Variants in CPQ observed in about 807,000 individuals in gnomAD.
CPQ encodes the protein Ser-Met dipeptidase.
CPQ carries 37 observed loss-of-function variants against 45.7 expected under a neutral mutation model. The ratio of observed to expected loss-of-function variants is 0.81; its 90% CI spans 0.62 to 1.07. The LOEUF is 1.07. Ranked by LOEUF, CPQ falls within the 50% of genes least tolerant of loss-of-function variation. The pLI is 0.00. For synonymous variants in CPQ, 186 were observed against 205.8 expected, an observed-to-expected ratio of 0.90 and a Z score of 0.82; for missense variants, 537 against 572.9, an observed-to-expected ratio of 0.94 and a Z score of 0.64.
intron 4 of CPQ, among the ~76,000 whole-genome samples, chr8:96,915,614 C>T (rs560308234): frequency 1.3e-5 from 2 of 152,204 alleles, no homozygotes; most frequent in East Asian, 3.9e-4. Flanking sequence ...TGACTGTGTC[C>T]TCCATCACAG....
At chr8:96,834,688 AAAG>A (rs1191788488) in intron 2 of CPQ, among the ~76,000 whole-genome samples, 1 of 152,226 alleles carries the variant, frequency 6.6e-6, no homozygotes, top group Non-Finnish European at 1.5e-5. Flanking sequence ...AAGAATTAAA[AAAG>A]AAGCTATCTT....
intron 1 of CPQ, among the ~76,000 whole-genome samples, chr8:96,682,059 T>C (rs922326337): frequency 6.6e-6 from 1 of 152,200 alleles, no homozygotes; most frequent in Non-Finnish European, 1.5e-5. Flanking sequence ...GATGAAACTT[T>C]GGACTATGGA....
chr8:96,891,929 A>AT (rs1194657289), intron 4 of CPQ, among the ~76,000 whole-genome samples: 1 of 152,204 alleles, frequency 6.6e-6, no homozygotes, highest in African/African-American at 2.4e-5. Context: ...TAAAAAGAAG[A>AT]TTAACTGCAT....
intron 1 of CPQ, among the ~76,000 whole-genome samples, chr8:96,671,103 C>T (rs1808995936): frequency 6.6e-6 from 1 of 152,174 alleles, no homozygotes; most frequent in South Asian, 2.1e-4. Flanking sequence ...CTACAGTGAT[C>T]CCAACATAAA....
chr8:97,138,057 T>A (rs1445912401), intron 7 of CPQ, among the ~76,000 whole-genome samples: 1 of 152,212 alleles, frequency 6.6e-6, no homozygotes, highest in Non-Finnish European at 1.5e-5. Flanking sequence ...TTCTCCTTCA[T>A]GTTTTTTGGA....
intron 4 of CPQ, among the ~76,000 whole-genome samples, chr8:96,924,022 T>C (rs1812842000): frequency 6.6e-6 from 1 of 152,226 alleles, no homozygotes; most frequent in African/African-American, 2.4e-5. Context: ...CCTGGCATTT[T>C]CAGGATGCCC....
chr8:96,887,592 G>A (rs981736588), intron 4 of CPQ, among the ~76,000 whole-genome samples: 53 of 109,356 alleles, frequency 4.8e-4, no homozygotes, highest in Non-Finnish European at 6.2e-4. Context: ...TCCTAAACTG[G>A]ACTCTCTCTC....
chr8:96,799,732 G>A (rs1425894889), intron 2 of CPQ, among the ~76,000 whole-genome samples: 2 of 152,158 alleles, frequency 1.3e-5, no homozygotes, highest in African/African-American at 4.8e-5. Context: ...TATTTTGTCT[G>A]TGACTATAGG....
chr8:97,072,501 A>C (rs1810763155), intron 7 of CPQ, among the ~76,000 whole-genome samples: 2 of 152,198 alleles, frequency 1.3e-5, no homozygotes, highest in South Asian at 4.1e-4. Context: ...TAATTTAAAA[A>C]AAAGAAATCG....
chr8:97,022,993 A>ACTG (rs1303119355), intron 5 of CPQ, among the ~76,000 whole-genome samples: 5 of 147,170 alleles, frequency 3.4e-5, no homozygotes, highest in African/African-American at 4.9e-5. Flanking sequence ...TAGTATATAT[A>ACTG]TACAGTATAT....
intron 4 of CPQ, among the ~76,000 whole-genome samples, chr8:96,932,896 G>C (rs1024187538): frequency 6.6e-6 from 1 of 152,170 alleles, no homozygotes; most frequent in Non-Finnish European, 1.5e-5. Context: ...CTGTGGAATT[G>C]GGTTTAATGC....
At chr8:96,879,611 T>A (rs2130880767) in intron 3 of CPQ, among the ~76,000 whole-genome samples, 187 bp from the exon 4 acceptor site, 1 of 152,338 alleles carries the variant, frequency 6.6e-6, no homozygotes, top group African/African-American at 2.4e-5. Context: ...AGTTTCTAAT[T>A]TATTCTTAAC....
At position 96,787,758 on chromosome 8, in the gene CPQ, C is replaced by T. The variant is rs181320500; in HGVS notation, c.433+2428C>T. 3.1e-3 allele frequency among the ~76,000 whole-genome samples: 472 copies of T among 151,518 alleles called. 4 individuals carry two copies. The highest frequency in any genetic ancestry group is 6.0e-3 in the Non-Finnish European group (404 of 67,840). On this transcript the variant is annotated intron_variant, in intron 2 of 7. Transcript: ENST00000220763. ...TTCTTTACTTGTCTAATCAGATTTT[C>T]AGTTTCTTCTTGAGTCAGTTTTAGT...
intron 4 of CPQ, among the ~76,000 whole-genome samples, chr8:96,952,189 G>A (rs566112810): frequency 5.9e-5 from 9 of 152,058 alleles, no homozygotes; most frequent in Non-Finnish European, 1.0e-4. Flanking sequence ...AAAAAAAGCA[G>A]TCAAAAGTAG....
At chr8:97,041,167 G>A (rs538790691) in intron 6 of CPQ, among the ~76,000 whole-genome samples, 1 of 151,972 alleles carries the variant, frequency 6.6e-6, no homozygotes, top group East Asian at 1.9e-4. Context: ...CATTGAGCAG[G>A]GGTTTGTAGT....
chr8:96,768,756 A>G (rs1381196745), intron 1 of CPQ, among the ~76,000 whole-genome samples: 1 of 152,180 alleles, frequency 6.6e-6, no homozygotes, highest in Non-Finnish European at 1.5e-5. Context: ...CTTGGGCTGT[A>G]ACAAGAACTG....
In CPQ at chr8:96,770,890, G is replaced by A. The variant is rs957427499; in HGVS notation, c.-34-13974G>A. ...CCAGGCATACAATTAGGGAGGAGAA[G>A]TGGATGTACATTCTATACCGAAGAA... On this transcript the variant is annotated intron_variant, in intron 1 of 7. Transcript: ENST00000220763. 4.7e-5 allele frequency among the ~76,000 whole-genome samples: 7 copies of A among 148,852 alleles called. No homozygotes were observed. The East Asian group carries it at 1.2e-3, about 25-fold the overall frequency.
chr8:96,696,895 G>A (rs1809391741), intron 1 of CPQ, among the ~76,000 whole-genome samples: 1 of 152,096 alleles, frequency 6.6e-6, no homozygotes, highest in African/African-American at 2.4e-5. Flanking sequence ...GCAAACCAAA[G>A]CCTGGGACTT....
chr8:97,001,685 G>A (rs1809282739), intron 5 of CPQ, among the ~76,000 whole-genome samples: 1 of 148,746 alleles, frequency 6.7e-6, no homozygotes, highest in Admixed American at 6.7e-5. Flanking sequence ...TGTTTATTAA[G>A]GATACTGGCC....
Sources: gnomAD v4.1 joint callset for allele counts (sites outside exome capture counted in the v4.1 genomes callset) on GRCh38, gnomAD v4.1.1 for gene constraint, MANE v1.5 for transcripts, NCBI Gene and HGNC (gene_info 2026-07-23, HGNC 2026-07-21) for gene names.